ELK4: variants seen among roughly 807,000 people sequenced by gnomAD.
ELK4 encodes ETS domain-containing protein Elk-4.
A neutral mutation model predicts 29.6 loss-of-function variants in ELK4; 16 were observed. That is an observed-to-expected ratio of 0.54 (90% CI 0.37 to 0.82). The LOEUF is 0.82. Ranked by LOEUF, ELK4 falls within the 40% of genes least tolerant of loss-of-function variation. The probability of loss-of-function intolerance (pLI) is 0.00; values close to 1 mark genes in which losing one functional copy is unlikely to be tolerated. For missense variants in ELK4, 465 were observed against 507.1 expected, an observed-to-expected ratio of 0.92 and a Z score of 0.80; for synonymous variants, 213 against 191.1, an observed-to-expected ratio of 1.11 and a Z score of -0.95.
At chr1:205,631,498 A>AGC (rs1464302675) in intron 1 of ELK4, 134 bp downstream of exon 1, 72 of 145,684 alleles carry the variant, frequency 4.9e-4, no homozygotes, top group African/African-American at 1.7e-3. Context: ...ACCCAAGGGG[A>AGC]GCGCGCGCGC....
intron 1 of ELK4, chr1:205,626,249 T>A (rs1299544131): frequency 4.1e-6 from 2 of 493,606 alleles, no homozygotes; most frequent in Admixed American, 5.7e-5. Context: ...CCACCTCCCT[T>A]ATTCAGGACC....
chr1:205,626,060 C>T, intron 1 of ELK4: 1 of 1,250,096 alleles, frequency 8.0e-7, no homozygotes, highest in Non-Finnish European at 1.2e-6. Context: ...TCATTCTGCC[C>T]ACCAGTGCCA....
chr1:205,629,212 G>A (rs1431077004), intron 1 of ELK4, among the ~76,000 whole-genome samples: 1 of 151,184 alleles, frequency 6.6e-6, no homozygotes, highest in East Asian at 1.9e-4. Context: ...TGGCTTTGAG[G>A]TTTTAGACTG....
intron 1 of ELK4, among the ~76,000 whole-genome samples, chr1:205,624,514 C>T (rs902642953): frequency 1.3e-5 from 2 of 152,202 alleles, no homozygotes; most frequent in Non-Finnish European, 2.9e-5. Flanking sequence ...AAAGTGTTCT[C>T]TTTTCTGTCA....
chr1:205,631,478 C>T (rs1194621714), intron 1 of ELK4, among the ~76,000 whole-genome samples, 154 bp downstream of exon 1: 1 of 150,320 alleles, frequency 6.7e-6, no homozygotes, highest in Non-Finnish European at 1.5e-5. Context: ...GCCCGGCGGG[C>T]CGGGGGCGGA....
At chr1:205,618,473 T>G (rs1449602680) in intron 4 of ELK4, among the ~76,000 whole-genome samples, 1 of 152,226 alleles carries the variant, frequency 6.6e-6, no homozygotes, top group Admixed American at 6.5e-5. Flanking sequence ...GCTATATTTA[T>G]TCAAGCTGTT....
At position 205,620,839 on chromosome 1, in the gene ELK4, C is replaced by A. The variant is rs763338024; in HGVS notation, c.208-1G>T. 1 of 1,591,722 alleles carries A rather than the reference C, an allele frequency of 6.3e-7. No homozygotes were observed. Among genetic ancestry groups the A allele is most frequent in the Non-Finnish European group, 8.5e-7 (1 of 1,173,380 alleles). On this transcript the variant is annotated splice_acceptor_variant, in intron 2 of 4. Coordinates refer to ENST00000357992, the MANE Select transcript of ELK4 (RefSeq NM_001973.4). LOFTEE classifies it high-confidence loss of function. ...GACCATTCACTTTTTTGATGATATTCTGTAGGTTAAAAAAAAAAGCATTTT... is the reference window on the plus strand; with the variant it reads ...GACCATTCACTTTTTTGATGATATTATGTAGGTTAAAAAAAAAAGCATTTT...
intron 2 of ELK4, among the ~76,000 whole-genome samples, chr1:205,622,648 T>C (rs1670373407): frequency 6.6e-6 from 1 of 152,206 alleles, no homozygotes; most frequent in Non-Finnish European, 1.5e-5. Context: ...CCTCCCAAAG[T>C]GCTGGCATTA....
chr1:205,612,921 C>T lies in ELK4; in HGVS notation c.*3625G>A, dbSNP rs772346249. The T allele has an allele frequency of 3.9e-5, 8 of 205,458 alleles. No individual in the cohort carries two copies. Among genetic ancestry groups the T allele is most frequent in the Non-Finnish European group, 7.0e-5 (7 of 100,638 alleles). The allele number at this position is 205,458 out of a possible 1,614,324, so 12.7% of individuals were successfully genotyped here. ...TAATAGAGGCTCATAGGTTTACTGT[C>T]CCTATCAAAATTTCAACTGTCAAAA... On this transcript the variant is annotated 3_prime_UTR_variant, in exon 5 of 5. Transcript: ENST00000357992.
At position 205,623,991 on chromosome 1, in the gene ELK4, C is replaced by T. The variant is rs1670403645; in HGVS notation, c.-9-100G>A. ...TTTAAGTGCTCTAAATGTATTAATT[C>T]ATCCCCACATTTCTATAAGGTAGAT... On this transcript the variant is annotated intron_variant, in intron 1 of 4. Transcript: ENST00000357992. 2.8e-6 allele frequency: 3 copies of T among 1,061,848 alleles called. No individual in the cohort carries two copies. In the East Asian group the frequency reaches 7.4e-5, roughly 26 times the overall value. 65.8% of individuals were successfully genotyped at this position (1,061,848 alleles called of 1,614,324 possible). A position where few individuals can be genotyped will look rare whatever the true frequency, so the allele number is the denominator to read the frequency against.
In ELK4 at chr1:205,620,064, C is replaced by G; in HGVS notation, c.982G>C (p.Ala328Pro). Residue 328 changes from alanine to proline, a missense_variant, in exon 3 of 5, where the codon GCA (alanine) becomes CCA (proline). Around this residue, in one of 2 missense-constraint regions of ELK4, gnomAD observed 385 missense variants for 387.5 expected, o/e 0.99. Transcript: ENST00000357992. ...RSKKPKGLEL[A>P]PTLVITSSDP... Reference sequence around the variant, plus strand: ...CTGCTCGTGATCACAAGGGTGGGTGCCAGTTCTAACCCTTTGGGTTTCTTG... The same window carrying G: ...CTGCTCGTGATCACAAGGGTGGGTGGCAGTTCTAACCCTTTGGGTTTCTTG... 1 of 1,614,212 alleles carries G rather than the reference C, an allele frequency of 6.2e-7. No individual in the cohort carries two copies. Among genetic ancestry groups the G allele is most frequent in the Non-Finnish European group, 8.5e-7 (1 of 1,180,042 alleles).
At chr1:205,629,976 A>G (rs1424728130) in intron 1 of ELK4, among the ~76,000 whole-genome samples, 1 of 151,952 alleles carries the variant, frequency 6.6e-6, no homozygotes, top group Non-Finnish European at 1.5e-5. Flanking sequence ...TGGAGGTTGC[A>G]GTGAGCAGAC....
chr1:205,630,952 T>C (rs1026020406), intron 1 of ELK4, among the ~76,000 whole-genome samples: 2 of 152,220 alleles, frequency 1.3e-5, no homozygotes, highest in Non-Finnish European at 2.9e-5. Context: ...TCCCCAAATT[T>C]CAAATAGCAA....
In ELK4 at chr1:205,612,777, G is replaced by A. The variant is rs1670171744; in HGVS notation, c.*3769C>T. 4.8e-6 allele frequency: 1 copy of A among 209,332 alleles called. No individual in the cohort carries two copies. The highest frequency in any genetic ancestry group is 2.3e-5 in the African/African-American group (1 of 43,974). 13.0% of individuals were successfully genotyped at this position (209,332 alleles called of 1,614,324 possible). A position where few individuals can be genotyped will look rare whatever the true frequency, so the allele number is the denominator to read the frequency against. ...CTGAAGTGATACTATCAACAGCCTG[G>A]AGTTACAGCTCCAGAATTCCAAACC... On this transcript the variant is annotated 3_prime_UTR_variant, in exon 5 of 5. Coordinates refer to ENST00000357992, the MANE Select transcript of ELK4 (RefSeq NM_001973.4).
In ELK4 at chr1:205,620,548, T is replaced by C; in HGVS notation, c.498A>G (p.Ile166Met). The stretch of plus-strand genomic sequence containing the variant: ...GTTTCTCGGCTGGATTCTCAGTCTT[T>C]ATCAATTTGAAAAGCTTTACATTGG... ...NSSNVKLFKL[I>M]KTENPAEKLA... is the part of the protein sequence containing the mutation. The change falls in exon 3 of 5, where the codon ATA becomes ATG. Residue 166 changes from isoleucine (I) to methionine (M), a missense_variant. Transcript: ENST00000357992. 6.2e-7 allele frequency: 1 copy of C among 1,614,200 alleles called. No homozygotes were observed. The highest frequency in any genetic ancestry group is 8.5e-7 in the Non-Finnish European group (1 of 1,180,046).
intron 4 of ELK4, among the ~76,000 whole-genome samples, chr1:205,618,598 CG>C (rs1167960323): frequency 2.0e-5 from 3 of 152,096 alleles, no homozygotes; most frequent in African/African-American, 7.2e-5. Context: ...CCAAGGTGGG[CG>C]GATCACCTGA....
chr1:205,614,750 A>G lies in ELK4; in HGVS notation c.*1796T>C, dbSNP rs1312344623. 3 of 226,802 alleles carry G rather than the reference A, an allele frequency of 1.3e-5. No individual in the cohort carries two copies. The highest frequency in any genetic ancestry group is 2.6e-5 in the Non-Finnish European group (3 of 114,064). The allele number at this position is 226,802 out of a possible 1,614,324, so 14.0% of individuals were successfully genotyped here. On this transcript the variant is annotated 3_prime_UTR_variant, in exon 5 of 5. Coordinates refer to ENST00000357992, the MANE Select transcript of ELK4 (RefSeq NM_001973.4). Reference sequence around the variant, plus strand: ...GCATCTGAAGATGCTAGTTTGTAACAGTGTCAGTCTGAGCCTTCAAGTTCT... The same window carrying G: ...GCATCTGAAGATGCTAGTTTGTAACGGTGTCAGTCTGAGCCTTCAAGTTCT...
rs1329941953 is a variant in ELK4, at chr1:205,623,827, T to C, written c.56A>G (p.Gln19Arg). The change falls in exon 2 of 5, where the codon CAG becomes CGG. Residue 19 changes from glutamine (Q) to arginine (R), a missense_variant. Gln to Arg is a conservative substitution (Grantham distance 43). Coordinates refer to ENST00000357992, the MANE Select transcript of ELK4 (RefSeq NM_001973.4). Reference sequence around the variant, plus strand: ...GGTCCAACAGATCATGTGCTTGTTCTGAGGCTTCTGCAGGAGCTGAAGAAG... The same window carrying C: ...GGTCCAACAGATCATGTGCTTGTTCCGAGGCTTCTGCAGGAGCTGAAGAAG... ...QFLLQLLQKP[Q>R]NKHMICWTSN... 5 of 1,614,086 alleles carry C rather than the reference T, an allele frequency of 3.1e-6. No homozygotes were observed. Among genetic ancestry groups the C allele is most frequent in the Middle Eastern group, 1.6e-4 (1 of 6,084 alleles).
Position 205,612,953 on chromosome 1 carries a change from A to G in ELK4, c.*3593T>C, listed in dbSNP as rs1439639002. 1 of 207,402 alleles carries G rather than the reference A, an allele frequency of 4.8e-6. No individual in the cohort carries two copies. Among genetic ancestry groups the G allele is most frequent in the Non-Finnish European group, 9.8e-6 (1 of 101,756 alleles). 12.8% of individuals were successfully genotyped at this position (207,402 alleles called of 1,614,324 possible). Reference sequence around the variant, plus strand: ...AAAATTTCAACTGTCAAAATGTGGGAAAAAATTAAACTCATATTTTAACTC... The same window carrying G: ...AAAATTTCAACTGTCAAAATGTGGGGAAAAATTAAACTCATATTTTAACTC... On this transcript the variant is annotated 3_prime_UTR_variant, in exon 5 of 5. Coordinates refer to ENST00000357992, the MANE Select transcript of ELK4 (RefSeq NM_001973.4).
Sources: allele counts gnomAD v4.1 joint callset (sites outside exome capture counted in the v4.1 genomes callset), GRCh38; gene constraint gnomAD v4.1.1; regional missense constraint gnomAD v4.1.1; transcripts MANE v1.5; gene names NCBI Gene and HGNC (gene_info 2026-07-23, HGNC 2026-07-21).